The following TENM2 variants were observed in gnomAD, a reference collection of about 807,000 sequenced individuals.
The protein encoded by TENM2 is teneurin-2.
In TENM2, 52 loss-of-function variants were observed where a neutral mutation model predicts 245.2. The observed-to-expected ratio is 0.21, with a 90% CI of 0.17 to 0.27. TENM2 has a LOEUF of 0.27. Ranked by LOEUF, TENM2 falls within the 10% of genes least tolerant of loss-of-function variation. The pLI is 1.00. For missense variants in TENM2, 3,046 were observed against 3,666.8 expected, an observed-to-expected ratio of 0.83 and a Z score of 4.37; for synonymous variants, 1,363 against 1,438.9, an observed-to-expected ratio of 0.95 and a Z score of 1.19.
exon 22 of TENM2, chr5:168,216,815 A>G: frequency 6.2e-7 from 1 of 1,613,964 alleles, no homozygotes; most frequent in Non-Finnish European, 8.5e-7. Flanking sequence ...CGATGCCACC[A>G]TGATCCGGAA....
At chr5:167,807,154 A>G (rs865957939) in intron 2 of TENM2, among the ~76,000 whole-genome samples, 54 of 142,524 alleles carry the variant, frequency 3.8e-4, no homozygotes, top group Admixed American at 6.8e-4. Flanking sequence ...AAAAAAAAAA[A>G]AAGAAGAAGA....
chr5:167,875,862 G>T (rs1186315543), intron 2 of TENM2, 124 bp from the exon 5 acceptor site: 11 of 660,734 alleles, frequency 1.7e-5, no homozygotes, highest in Non-Finnish European at 2.8e-5. Context: ...AGCACATCTG[G>T]AGCAGTTCAT....
At chr5:166,984,675 A>G in the TENM2 span, among the ~76,000 whole-genome samples, 4 of 152,248 alleles carry the variant, frequency 2.6e-5, no homozygotes, top group Admixed American at 6.5e-5. Context: ...TTCTAGGAAT[A>G]AAACTGAACC....
At chr5:167,812,096 G>A (rs1423077327) in intron 2 of TENM2, among the ~76,000 whole-genome samples, 2 of 152,122 alleles carry the variant, frequency 1.3e-5, no homozygotes, top group African/African-American at 2.4e-5. Flanking sequence ...GGGAGTGGAA[G>A]ATAAAACCTT....
chr5:167,263,688 A>G, the TENM2 span, among the ~76,000 whole-genome samples: 33 of 152,284 alleles, frequency 2.2e-4, no homozygotes, highest in African/African-American at 7.2e-4. Flanking sequence ...TAAAACCATC[A>G]TAAACACTAG....
the TENM2 span, among the ~76,000 whole-genome samples, chr5:167,217,796 G>C: frequency 6.6e-6 from 1 of 150,688 alleles, no homozygotes; most frequent in Admixed American, 6.6e-5. Flanking sequence ...GAGTGGAGAA[G>C]GTGGACGAGC....
At position 167,940,057 on chromosome 5, in the gene TENM2, A is replaced by C. The variant is rs1779051055; in HGVS notation, c.713-12531A>C. On this transcript the variant is annotated intron_variant, in intron 3 of 28. Coordinates refer to ENST00000518659, the Ensembl canonical transcript of TENM2. ...GTTGTCGTGTTTGGATTGCTGTAGG[A>C]AGAGAAAAAATTACTACAGTTTGCA... 2.6e-5 allele frequency among the ~76,000 whole-genome samples: 4 copies of C among 152,160 alleles called. No individual in the cohort carries two copies. The South Asian group carries it at 8.3e-4, about 31-fold the overall frequency.
chr5:167,072,873 C>T, the TENM2 span, among the ~76,000 whole-genome samples: 29,836 of 152,042 alleles, frequency 0.2, 4,041 homozygotes, highest in East Asian at 0.38. Context: ...AACATAAGGT[C>T]TGTATATTGC....
intron 3 of TENM2, among the ~76,000 whole-genome samples, chr5:167,914,907 A>G (rs1338479360): frequency 1.3e-5 from 2 of 152,142 alleles, no homozygotes; most frequent in Non-Finnish European, 2.9e-5. Context: ...TTACGAGTCC[A>G]CTTGCTCAGG....
At chr5:167,687,980 C>T (rs775175908) in intron 2 of TENM2, among the ~76,000 whole-genome samples, 16 of 152,110 alleles carry the variant, frequency 1.1e-4, no homozygotes, top group Admixed American at 2.0e-4. Context: ...ACAATAATAG[C>T]GGTATTTATT....
intron 2 of TENM2, among the ~76,000 whole-genome samples, chr5:167,801,731 T>C (rs1765791613): frequency 6.6e-6 from 1 of 152,058 alleles, no homozygotes; most frequent in Non-Finnish European, 1.5e-5. Flanking sequence ...CAGGCTCATA[T>C]TTGATTTGTA....
At chr5:167,165,915 G>A in the TENM2 span, among the ~76,000 whole-genome samples, 1 of 152,092 alleles carries the variant, frequency 6.6e-6, no homozygotes, top group East Asian at 1.9e-4. Context: ...ACTGACATTG[G>A]GCTACATATT....
chr5:167,065,000 AC>A, the TENM2 span, among the ~76,000 whole-genome samples: 2 of 152,156 alleles, frequency 1.3e-5, no homozygotes, highest in Non-Finnish European at 2.9e-5. Context: ...GGTTATATTT[AC>A]TGTTACTAGA....
intron 2 of TENM2, among the ~76,000 whole-genome samples, chr5:167,631,003 A>G (rs1424443174): frequency 6.6e-6 from 1 of 152,158 alleles, no homozygotes; most frequent in Non-Finnish European, 1.5e-5. Flanking sequence ...TATGGTTGTT[A>G]TATATATCCA....
intron 2 of TENM2, among the ~76,000 whole-genome samples, chr5:167,565,824 T>G (rs1562060056): frequency 6.6e-6 from 1 of 152,212 alleles, no homozygotes; most frequent in Non-Finnish European, 1.5e-5. Flanking sequence ...GCTCTCACAC[T>G]AATATATGGT....
chr5:168,118,293 T>C, exon 10 of TENM2: 1 of 1,563,072 alleles, frequency 6.4e-7, no homozygotes, highest in Non-Finnish European at 8.7e-7. Flanking sequence ...TTTGTGCAGC[T>C]GCCTGCCCTG....
chr5:168,148,691 G>A (rs1377835659), intron 12 of TENM2, among the ~76,000 whole-genome samples: 1 of 152,028 alleles, frequency 6.6e-6, no homozygotes, highest in South Asian at 2.1e-4. Context: ...AAGAAGCAGG[G>A]GAGAAACTGG....
intron 1 of TENM2, among the ~76,000 whole-genome samples, chr5:167,308,854 C>T (rs887275822): frequency 6.6e-6 from 1 of 152,134 alleles, no homozygotes. Context: ...GACACACATA[C>T]AAAACTACCA....
At chr5:168,085,688 C>T (rs1441097311) in intron 7 of TENM2, 2 of 152,396 alleles carry the variant, frequency 1.3e-5, no homozygotes, top group African/African-American at 4.8e-5. Flanking sequence ...GCTGGGCGCA[C>T]TTTGCCACAG....
Sources: allele counts gnomAD v4.1 joint callset (sites outside exome capture counted in the v4.1 genomes callset), GRCh38; gene constraint gnomAD v4.1.1; transcripts MANE v1.5; gene names NCBI Gene and HGNC (gene_info 2026-07-23, HGNC 2026-07-21).